Variants in UNC5D observed in about 807,000 individuals in gnomAD.
The protein encoded by UNC5D is unc-5 netrin receptor D, also known as netrin receptor UNC5D.
UNC5D carries 39 observed loss-of-function variants against 105.4 expected under a neutral mutation model. The ratio of observed to expected loss-of-function variants is 0.37; its 90% confidence interval spans 0.29 to 0.48. The LOEUF (loss-of-function observed/expected upper bound fraction) is 0.48. Among genes scored for constraint, UNC5D ranks in the 20% least tolerant of loss-of-function variants. The pLI is 0.98. For synonymous variants in UNC5D, 452 were observed against 450.4 expected (o/e 1.00, Z -0.04); for missense variants, 991 against 1,202.4 (o/e 0.82, Z 2.60).
chr8:35,681,712 C>T (rs1205385637), intron 4 of UNC5D, among the ~76,000 whole-genome samples: 1 of 152,118 alleles, frequency 6.6e-6, no homozygotes, highest in Non-Finnish European at 1.5e-5. Context: ...TCGGCTCTGA[C>T]AGCTTTATTT....
intron 12 of UNC5D, among the ~76,000 whole-genome samples, chr8:35,749,233 A>G (rs1320181097): frequency 6.6e-6 from 1 of 152,196 alleles, no homozygotes; most frequent in Non-Finnish European, 1.5e-5. Flanking sequence ...GTGCAAACAA[A>G]AGGGATACAG....
chr8:35,512,384 C>T (rs549050957), intron 1 of UNC5D, among the ~76,000 whole-genome samples: 198 of 144,392 alleles, frequency 1.4e-3, no homozygotes, highest in Admixed American at 2.3e-3. Context: ...TAGCCAGGCA[C>T]GTGCTTATAT....
At chr8:35,401,729 A>G (rs1432867639) in intron 1 of UNC5D, among the ~76,000 whole-genome samples, 1 of 152,186 alleles carries the variant, frequency 6.6e-6, no homozygotes, top group Non-Finnish European at 1.5e-5. Context: ...ATCCCTGTGC[A>G]CCAGGTTCAT....
chr8:35,626,433 G>A (rs1821703275), intron 4 of UNC5D, among the ~76,000 whole-genome samples: 1 of 152,110 alleles, frequency 6.6e-6, no homozygotes, highest in Non-Finnish European at 1.5e-5. Flanking sequence ...TCTCTGATTA[G>A]CTATATGCAT....
rs576523743 is a variant in UNC5D, at chr8:35,568,256, G to T, written c.466+15G>T. On this transcript the variant is annotated intron_variant, in intron 3 of 16. Transcript: ENST00000404895. ...GCGCATAGCCTGTAAGTACATTCTG[G>T]GTGACCTTGTCTTGTAGGACCACAA... The T allele has an allele frequency of 1.2e-6, 2 of 1,612,252 alleles. No individual in the cohort carries two copies. The highest frequency in any genetic ancestry group is 2.2e-5 in the South Asian group (2 of 90,812).
intron 4 of UNC5D, among the ~76,000 whole-genome samples, chr8:35,596,733 G>A (rs1054114055): frequency 2.0e-5 from 3 of 152,164 alleles, no homozygotes; most frequent in Non-Finnish European, 2.9e-5. Flanking sequence ...CCAGGTCACA[G>A]GTAGATAAGG....
At chr8:35,396,841 T>G (rs959380891) in intron 1 of UNC5D, among the ~76,000 whole-genome samples, 2 of 149,196 alleles carry the variant, frequency 1.3e-5, no homozygotes, top group African/African-American at 2.5e-5. Context: ...ATAGGATACA[T>G]GTGAAGTTTT....
chr8:35,447,843 T>C (rs557663027), intron 1 of UNC5D, among the ~76,000 whole-genome samples: 3 of 152,214 alleles, frequency 2.0e-5, no homozygotes, highest in Admixed American at 2.0e-4. Flanking sequence ...TATTCTTTGC[T>C]TCTGGAGTCT....
intron 1 of UNC5D, among the ~76,000 whole-genome samples, chr8:35,241,443 C>T (rs539356508): frequency 2.0e-5 from 3 of 152,164 alleles, no homozygotes; most frequent in Non-Finnish European, 4.4e-5. Context: ...CCACTCCCCC[C>T]ACACCACTTC....
chr8:35,330,979 G>A (rs781746830), intron 1 of UNC5D, among the ~76,000 whole-genome samples: 2 of 152,270 alleles, frequency 1.3e-5, no homozygotes, highest in South Asian at 4.1e-4. Flanking sequence ...AGTGCTTCCT[G>A]GGGCTGCTCA....
At chr8:35,776,369 A>G (rs1476872043) in intron 16 of UNC5D, among the ~76,000 whole-genome samples, 1 of 152,252 alleles carries the variant, frequency 6.6e-6, no homozygotes, top group Admixed American at 6.5e-5. Flanking sequence ...TTGCTGAATA[A>G]GCATGTACAT....
At chr8:35,544,924 C>T (rs1815541058) in intron 1 of UNC5D, among the ~76,000 whole-genome samples, 2 of 152,098 alleles carry the variant, frequency 1.3e-5, no homozygotes, top group Non-Finnish European at 2.9e-5. Flanking sequence ...TTATATCAGG[C>T]AGATACAAGC....
chr8:35,697,585 T>C lies in UNC5D; in HGVS notation c.1085-8344T>C, dbSNP rs900226449. ...TCAAGTAGCCACAACATCCTATGAA[T>C]TCATGTAGAACATAGGAAATTGATG... is the stretch of plus-strand genomic sequence containing the variant. On this transcript the variant is annotated intron_variant, in intron 7 of 16. Coordinates refer to ENST00000404895, the MANE Select transcript of UNC5D (RefSeq NM_080872.4). Among the ~76,000 whole-genome samples, 6 of 152,116 alleles carry C rather than the reference T, an allele frequency of 3.9e-5. 3 individuals are homozygous for C. The highest frequency in any genetic ancestry group is 3.9e-4 in the Admixed American group (6 of 15,258).
At chr8:35,271,909 G>T (rs1031775216) in intron 1 of UNC5D, among the ~76,000 whole-genome samples, 1 of 151,860 alleles carries the variant, frequency 6.6e-6, no homozygotes, top group Non-Finnish European at 1.5e-5. Context: ...CAGCCCTGAG[G>T]TTATCTTTTG....
intron 1 of UNC5D, among the ~76,000 whole-genome samples, chr8:35,348,363 A>G (rs752335013): frequency 1.6e-4 from 24 of 151,964 alleles, no homozygotes; most frequent in Non-Finnish European, 3.4e-4. Context: ...GTTCTTAGGC[A>G]CAGTTGGGAA....
chr8:35,394,333 T>C (rs535245465), intron 1 of UNC5D, among the ~76,000 whole-genome samples: 327 of 152,326 alleles, frequency 2.1e-3, no homozygotes, highest in African/African-American at 7.4e-3. Context: ...ATATTTCTCA[T>C]GTTTCTTGAT....
chr8:35,714,229 C>T (rs1828124312), intron 8 of UNC5D, among the ~76,000 whole-genome samples: 1 of 152,078 alleles, frequency 6.6e-6, no homozygotes, highest in African/African-American at 2.4e-5. Flanking sequence ...GAGCCATGTC[C>T]CTGGTGGTGT....
intron 1 of UNC5D, among the ~76,000 whole-genome samples, chr8:35,476,243 T>G (rs1432977604): frequency 2.0e-5 from 3 of 152,182 alleles, no homozygotes; most frequent in Non-Finnish European, 2.9e-5. Flanking sequence ...GGGAACTGAG[T>G]TAGGCAATGG....
chr8:35,499,498 G>A (rs901590392), intron 1 of UNC5D, among the ~76,000 whole-genome samples: 1 of 152,150 alleles, frequency 6.6e-6, no homozygotes, highest in Non-Finnish European at 1.5e-5. Context: ...CATTTGTTGG[G>A]GAAACTTTGT....
Sources: gnomAD v4.1 joint callset for allele counts (sites outside exome capture counted in the v4.1 genomes callset) on GRCh38, gnomAD v4.1.1 for gene constraint, MANE v1.5 for transcripts, NCBI Gene and HGNC (gene_info 2026-07-23, HGNC 2026-07-21) for gene names.